The following CACNA1G variants were observed in gnomAD, a reference collection of about 807,000 sequenced individuals.
The protein encoded by CACNA1G is voltage-dependent T-type calcium channel subunit alpha-1G.
In CACNA1G, 67 loss-of-function variants were observed where a neutral mutation model predicts 219.4. The ratio of observed to expected loss-of-function variants is 0.31; its 90% CI spans 0.25 to 0.37. CACNA1G has a LOEUF of 0.37. CACNA1G is among the 10% of genes least tolerant of loss of function. The pLI, the probability that CACNA1G is intolerant of heterozygous loss-of-function variation, is 1.00. For missense variants in CACNA1G, 2,380 were observed against 3,231.4 expected (o/e 0.74, Z 6.39); for synonymous variants, 1,296 against 1,345.3 (o/e 0.96, Z 0.80).
chr17:50,596,873 A>G lies in CACNA1G; in HGVS notation c.3208A>G (p.Ser1070Gly). ...EALGPASRRT[S>G]SSGSAEPGAA... Reference sequence around the variant, plus strand: ...GCTGGGCCCTGCGTCGCGCCGCACCAGCAGCAGCGGGTCGGCAGAGCCTGG... The same window carrying G: ...GCTGGGCCCTGCGTCGCGCCGCACCGGCAGCAGCGGGTCGGCAGAGCCTGG... Residue 1070 changes from serine (S) to glycine (G), a missense_variant, in exon 16 of 38, where the codon AGC (serine) becomes GGC (glycine). Around this residue, in one of 17 missense-constraint regions of CACNA1G, gnomAD observed 418 missense variants for 434.3 expected, o/e 0.96. Coordinates refer to ENST00000359106, the MANE Select transcript of CACNA1G (RefSeq NM_018896.5). This position sits in a 1 kb window ranked among gnomAD's most constrained non-coding sequence, Gnocchi z 4.8. 6.3e-7 allele frequency: 1 copy of G among 1,592,104 alleles called. No homozygotes were observed. Among genetic ancestry groups the G allele is most frequent in the Non-Finnish European group, 8.6e-7 (1 of 1,169,366 alleles).
Position 50,575,994 on chromosome 17 carries a change from G to A in CACNA1G, c.1592G>A (p.Arg531Gln), listed in dbSNP as rs773732751. 29 of 1,554,688 alleles carry A rather than the reference G, an allele frequency of 1.9e-5. No individual in the cohort carries two copies. The highest frequency in any genetic ancestry group is 1.5e-4 in the Admixed American group (8 of 51,618). ...GACAGGGATGCCAATGGGTCCCGCCGGCTCATGCTGCCACCACCCTCGACG... is the reference window on the plus strand; with the variant it reads ...GACAGGGATGCCAATGGGTCCCGCCAGCTCATGCTGCCACCACCCTCGACG... The part of the protein sequence containing the change: ...IQDRDANGSR[R>Q]LMLPPPSTPA... Residue 531 changes from arginine to glutamine, a missense_variant, in exon 8 of 38, where the codon CGG becomes CAG. Physicochemically the swap from Arg to Gln is conservative, Grantham distance 43. Transcript: ENST00000359106.
chr17:50,571,771 T>G lies in CACNA1G; in HGVS notation c.587-107T>G, dbSNP rs1157657614. 8.6e-7 allele frequency: 1 copy of G among 1,159,586 alleles called. No individual in the cohort carries two copies. 71.8% of individuals were successfully genotyped at this position (1,159,586 alleles called of 1,614,324 possible). ...CCCCTCCAGCTTGAGCCGGGCCGTCTCAGCCTCAGAGTCCCTGGTGGGGCC... is the reference window on the plus strand; with the variant it reads ...CCCCTCCAGCTTGAGCCGGGCCGTCGCAGCCTCAGAGTCCCTGGTGGGGCC... On this transcript the variant is annotated intron_variant, in intron 4 of 37. Coordinates refer to ENST00000359106, the MANE Select transcript of CACNA1G (RefSeq NM_018896.5). The surrounding 1 kb of genome is among the most constrained non-coding windows in gnomAD (Gnocchi z 4.3).
chr17:50,608,615 G>C (rs1380359908), intron 25 of CACNA1G, among the ~76,000 whole-genome samples: 1 of 151,974 alleles, frequency 6.6e-6, no homozygotes, highest in African/African-American at 2.4e-5. Context: ...CCCTTGGCTT[G>C]GGGAAGTTCT....
rs1180425661 is a variant in CACNA1G at position 50,561,475 on chromosome 17, G to A, written c.16G>A (p.Asp6Asn). Residue 6 changes from aspartate (D) to asparagine (N), a missense_variant, in exon 1 of 38, where the codon GAT becomes AAT. By Grantham distance (23) the Asp-to-Asn change is conservative (BLOSUM62 1). This residue lies in a region of CACNA1G where 98 missense variants were observed against 85.5 expected (regional missense o/e 1.15). Coordinates refer to ENST00000359106, the MANE Select transcript of CACNA1G (RefSeq NM_018896.5). MDEEE[D>N]GAGAEESGQP... ...TGGCCAGAGGATGGACGAGGAGGAG[G>A]ATGGAGCGGGCGCCGAGGAGTCGGG... 2.0e-6 allele frequency: 3 copies of A among 1,534,764 alleles called. No individual in the cohort carries two copies. Among genetic ancestry groups the A allele is most frequent in the Non-Finnish European group, 2.6e-6 (3 of 1,146,542 alleles).
chr17:50,617,531 C>T lies in CACNA1G; in HGVS notation c.5115C>T (p.Pro1705=), dbSNP rs1183768674. The change falls in exon 29 of 38, where the codon CCC becomes CCT. Residue 1705 remains proline, a synonymous_variant. Transcript: ENST00000359106. The surrounding 1 kb of genome is among the most constrained non-coding windows in gnomAD (Gnocchi z 5.8). ...IEVNASLPIN[P]TIIRIMRVLR... ...TCAACGCCTCGCTGCCCATCAACCC[C>T]ACCATCATCCGCATCATGAGGGTGC... The T allele has an allele frequency of 1.5e-5, 25 of 1,614,034 alleles. No homozygotes were observed. Among genetic ancestry groups the T allele is most frequent in the Non-Finnish European group, 1.9e-5 (22 of 1,179,892 alleles).
In CACNA1G at chr17:50,578,315, A is replaced by G; in HGVS notation, c.2052A>G (p.Glu684=). ...GGGAGGTGGAGCTCGCCGACCGTGA[A>G]ATGCCTGACTCAGACAGCGAGGCAG... The part of the protein sequence containing the change: ...GAGEVELADR[E]MPDSDSEAVY... The change falls in exon 9 of 38, where the codon GAA becomes GAG. Residue 684 remains glutamate, a synonymous_variant. Coordinates refer to ENST00000359106, the MANE Select transcript of CACNA1G (RefSeq NM_018896.5). The surrounding 1 kb of genome is among the most constrained non-coding windows in gnomAD (Gnocchi z 4.5). 1.9e-6 allele frequency: 3 copies of G among 1,613,106 alleles called. No individual in the cohort carries two copies. Among genetic ancestry groups the G allele is most frequent in the Non-Finnish European group, 2.5e-6 (3 of 1,179,820 alleles).
intron 1 of CACNA1G, chr17:50,563,171 T>G (rs946797614): frequency 2.6e-5 from 4 of 152,258 alleles, no homozygotes; most frequent in African/African-American, 9.7e-5. Flanking sequence ...GATGAGCTTG[T>G]GGCCCCCCCA....
At position 50,618,972 on chromosome 17, in the gene CACNA1G, G is replaced by A. The variant is rs559062985; in HGVS notation, c.5745G>A (p.Ala1915=). Residue 1915 remains alanine (A), a synonymous_variant, in exon 33 of 38, where the codon GCG becomes GCA. Coordinates refer to ENST00000359106, the MANE Select transcript of CACNA1G (RefSeq NM_018896.5). This position sits in a 1 kb window ranked among gnomAD's most constrained non-coding sequence, Gnocchi z 5.3. ...KPGALHPAAH[A]RSASHFSLEH... ...GGGCTCTGCACCCAGCGGCCCACGC[G>A]AGATCAGCCTCCCACTTTTCCCTGG... The A allele has an allele frequency of 2.8e-5, 44 of 1,549,410 alleles. No individual in the cohort carries two copies. The South Asian group carries it at 4.8e-4, about 17-fold the overall frequency.
intron 1 of CACNA1G, 126 bp from the exon 2 acceptor site, chr17:50,568,744 C>A: frequency 1.4e-6 from 1 of 740,274 alleles, no homozygotes; most frequent in Non-Finnish European, 2.4e-6. Flanking sequence ...TATGTCAGGG[C>A]CCTGGCACCA....
rs12948956 is a variant in CACNA1G at position 50,600,587 on chromosome 17, A to T, written c.3691-139A>T. On this transcript the variant is annotated intron_variant, in intron 17 of 37. Transcript: ENST00000359106. This position sits in a 1 kb window ranked among gnomAD's most constrained non-coding sequence, Gnocchi z 4.1. ...GATGAGGAGGTGGCTTTAGGAATAA[A>T]GGAAGAGAGGCAGGGCAGAGCTTGG... 1 of 694,952 alleles carries T rather than the reference A, an allele frequency of 1.4e-6. No homozygotes were observed. The highest frequency in any genetic ancestry group is 2.4e-5 in the Admixed American group (1 of 41,898). 43.0% of individuals were successfully genotyped at this position (694,952 alleles called of 1,614,324 possible).
chr17:50,623,281 T>C (rs1185517141), intron 35 of CACNA1G, among the ~76,000 whole-genome samples: 12 of 141,314 alleles, frequency 8.5e-5, no homozygotes, highest in African/African-American at 3.2e-4. Flanking sequence ...TTTTTTTTTT[T>C]TTTTTTTTTT....
chr17:50,578,926 G>C lies in CACNA1G; in HGVS notation c.2301+362G>C, dbSNP rs184466622. Among the ~76,000 whole-genome samples, 416 of 152,212 alleles carry C rather than the reference G, an allele frequency of 2.7e-3. 5 individuals are homozygous for C. Among genetic ancestry groups the C allele is most frequent in the Non-Finnish European group, 1.8e-3 (125 of 68,010 alleles). ...TTGGAGAAGGTGTAGTGCGGAGGGC[G>C]GGTGTTGGAGGTCCTGTGGCATCCA... On this transcript the variant is annotated intron_variant, in intron 9 of 37. Coordinates refer to ENST00000359106, the MANE Select transcript of CACNA1G (RefSeq NM_018896.5). This position sits in a 1 kb window ranked among gnomAD's most constrained non-coding sequence, Gnocchi z 4.5.
chr17:50,575,534 C>T lies in CACNA1G; in HGVS notation c.1141-9C>T, dbSNP rs954552135. ...AGGACATTTCCTCTTCCTGTCCCCA[C>T]CCCTACAGGTGGGCTCCTTCTTCAT... On this transcript the variant is annotated splice_polypyrimidine_tract_variant and intron_variant, in intron 7 of 37. Coordinates refer to ENST00000359106, the MANE Select transcript of CACNA1G (RefSeq NM_018896.5). 7 of 1,600,792 alleles carry T rather than the reference C, an allele frequency of 4.4e-6. No homozygotes were observed. In the South Asian group the frequency reaches 5.5e-5, roughly 13 times the overall value.
At position 50,609,198 on chromosome 17, in the gene CACNA1G, G is replaced by C. The variant is rs1233563399; in HGVS notation, c.4706-684G>C. Among the ~76,000 whole-genome samples, 3 of 152,272 alleles carry C rather than the reference G, an allele frequency of 2.0e-5. No individual in the cohort carries two copies. In the East Asian group the frequency reaches 5.8e-4, roughly 29 times the overall value. On this transcript the variant is annotated intron_variant, in intron 25 of 37. Coordinates refer to ENST00000359106, the MANE Select transcript of CACNA1G (RefSeq NM_018896.5). ...TCCCTCGGCCTGGGAGTGGCACTCT[G>C]AGGCGGGGGGAGAGTGTGGGAGTTG...
At chr17:50,624,190 C>A in intron 36 of CACNA1G, 115 bp downstream of exon 36, 1 of 1,358,034 alleles carries the variant, frequency 7.4e-7, no homozygotes, top group South Asian at 1.3e-5. Flanking sequence ...TATCTCTGAC[C>A]TCAGGGGAGC....
At position 50,576,096 on chromosome 17, in the gene CACNA1G, C is replaced by A. The variant is rs867000846; in HGVS notation, c.1694C>A (p.Pro565Gln). 6.3e-7 allele frequency: 1 copy of A among 1,592,518 alleles called. No individual in the cohort carries two copies. Among genetic ancestry groups the A allele is most frequent in the South Asian group, 1.1e-5 (1 of 87,460 alleles). The change falls in exon 8 of 38, where the codon CCA becomes CAA. Residue 565 changes from proline to glutamine, a missense_variant. Pro to Gln is a moderately conservative substitution (Grantham distance 76). Transcript: ENST00000359106. ...TACCATGCCGACTGCCACTTAGAGCCAGTCCGCTGCCAGGCGCCCCCTCCC... is the reference window on the plus strand; with the variant it reads ...TACCATGCCGACTGCCACTTAGAGCAAGTCCGCTGCCAGGCGCCCCCTCCC... Reference protein sequence around the residue: ...SFYHADCHLEPVRCQAPPPRS... With the variant: ...SFYHADCHLEQVRCQAPPPRS...
intron 26 of CACNA1G, among the ~76,000 whole-genome samples, chr17:50,613,915 G>A (rs1036985176): frequency 4.6e-5 from 7 of 152,106 alleles, no homozygotes; most frequent in African/African-American, 1.7e-4. Flanking sequence ...CACTCTTGGG[G>A]CTCTGTTCTC....
chr17:50,572,927 G>T, intron 6 of CACNA1G, 73 bp downstream of exon 6: 1 of 1,575,108 alleles, frequency 6.3e-7, no homozygotes, highest in Non-Finnish European at 8.7e-7. Context: ...CGGAGTGGTC[G>T]CTCTCAGGGT....
intron 19 of CACNA1G, 149 bp from the exon 20 acceptor site, chr17:50,602,671 A>G (rs2046987996): frequency 1.5e-6 from 1 of 671,918 alleles, no homozygotes; most frequent in African/African-American, 1.8e-5. Flanking sequence ...TGCGTGTATG[A>G]GAGGGGCGTG....
Sources: allele counts gnomAD v4.1 joint callset (sites outside exome capture counted in the v4.1 genomes callset), GRCh38; gene constraint gnomAD v4.1.1; regional missense constraint gnomAD v4.1.1; non-coding constraint Gnocchi (gnomAD v3.1); transcripts MANE v1.5; gene names NCBI Gene and HGNC (gene_info 2026-07-23, HGNC 2026-07-21).